SP140L: variants seen among roughly 807,000 people sequenced by gnomAD.
The protein encoded by SP140L is nuclear body protein SP140-like protein.
In SP140L, 64 loss-of-function variants were observed where a neutral mutation model predicts 84.3. The observed-to-expected ratio is 0.76, with a 90% CI of 0.62 to 0.94. SP140L has a LOEUF of 0.94. SP140L is among the 40% of genes least tolerant of loss of function. The probability of loss-of-function intolerance (pLI) is 0.00; values close to 1 mark genes in which losing one functional copy is unlikely to be tolerated. For missense variants in SP140L, 628 were observed against 692.5 expected, an observed-to-expected ratio of 0.91 and a Z score of 1.05; for synonymous variants, 242 against 236.9, an observed-to-expected ratio of 1.02 and a Z score of -0.20.
rs537834269 is a variant in SP140L, at chr2:230,403,698, A to G, written c.*802A>G. 6.6e-6 allele frequency: 1 copy of G among 152,302 alleles called. No homozygotes were observed. The highest frequency in any genetic ancestry group is 2.1e-4 in the South Asian group (1 of 4,824). The allele number at this position is 152,302 out of a possible 1,614,324, so 9.4% of individuals were successfully genotyped here. Reference sequence around the variant, plus strand: ...TCATATTTCGTGGAACTCCTGTGCAAACATATATTATTAAATTTTTTTTCC... The same window carrying G: ...TCATATTTCGTGGAACTCCTGTGCAGACATATATTATTAAATTTTTTTTCC... On this transcript the variant is annotated 3_prime_UTR_variant, in exon 19 of 19. Coordinates refer to ENST00000415673, the MANE Select transcript of SP140L (RefSeq NM_138402.6).
intron 8 of SP140L, among the ~76,000 whole-genome samples, chr2:230,384,559 G>A (rs73112323): frequency 0.015 from 2,354 of 152,242 alleles, 59 homozygotes; most frequent in African/African-American, 0.053. Flanking sequence ...GTGTCTGCCC[G>A]GCTTGTGGAT....
At chr2:230,400,084 A>G (rs2062243258) in intron 14 of SP140L, 43 bp from the exon 15 acceptor site, 2 of 1,608,042 alleles carry the variant, frequency 1.2e-6, no homozygotes, top group Admixed American at 3.3e-5. Flanking sequence ...GCCTTCCTGA[A>G]TCTTGTGATT....
At chr2:230,359,167 G>C in intron 4 of SP140L, 35 bp downstream of exon 4, 1 of 1,589,390 alleles carries the variant, frequency 6.3e-7, no homozygotes, top group Non-Finnish European at 8.6e-7. Flanking sequence ...TTGATTTCCG[G>C]GGCCAATTTT....
rs189762003 is a variant in SP140L, at chr2:230,357,938, C to T, written c.241C>T (p.Arg81Trp). Residue 81 changes from arginine (R) to tryptophan (W), a missense_variant, in exon 3 of 19, where the codon CGG (arginine) becomes TGG (tryptophan). Arg to Trp is a moderately radical substitution (Grantham distance 101). Transcript: ENST00000415673. ...TCCATTCCTTGAGGGCCTCCGCGAT[C>T]GGGAACTCATCACAAATAAAATGTT... ...TFPFLEGLRDRELITNKMFED... is the reference protein window; with the variant it reads ...TFPFLEGLRDWELITNKMFED... 2.6e-5 allele frequency: 42 copies of T among 1,613,778 alleles called. No homozygotes were observed. Among genetic ancestry groups the T allele is most frequent in the African/African-American group, 6.7e-5 (5 of 75,028 alleles).
rs569170068 is a variant in SP140L at position 230,372,115 on chromosome 2, G to A, written c.637+464G>A. 21 of 165,816 alleles carry A rather than the reference G, an allele frequency of 1.3e-4. No homozygotes were observed. In the East Asian group the frequency reaches 3.0e-3, roughly 24 times the overall value. 10.3% of individuals were successfully genotyped at this position (165,816 alleles called of 1,614,324 possible). On this transcript the variant is annotated intron_variant, in intron 7 of 18. Transcript: ENST00000415673. ...TTCCAGCCCCCAGAAAGGAATGAAGGCCTACACCTTGACTTTAGGCAGTAA... is the reference window on the plus strand; with the variant it reads ...TTCCAGCCCCCAGAAAGGAATGAAGACCTACACCTTGACTTTAGGCAGTAA...
chr2:230,391,187 G>A (rs1300425684), intron 11 of SP140L, among the ~76,000 whole-genome samples: 1 of 152,188 alleles, frequency 6.6e-6, no homozygotes, highest in Non-Finnish European at 1.5e-5. Context: ...GAACATTTAT[G>A]TAACAAATTT....
chr2:230,391,493 A>G (rs1206596355), intron 11 of SP140L, among the ~76,000 whole-genome samples: 1 of 152,208 alleles, frequency 6.6e-6, no homozygotes. Flanking sequence ...TCTTTTATAT[A>G]TAACTTAATT....
rs931221025 is a variant in SP140L, at chr2:230,400,704, C to G, written c.1314-251C>G. On this transcript the variant is annotated intron_variant, in intron 15 of 18. Transcript: ENST00000415673. Reference sequence around the variant, plus strand: ...CTCCTTGTGCTCCCAGCAGCTCAGACAGGGAAAGGATAGTCCCCACTCACG... The same window carrying G: ...CTCCTTGTGCTCCCAGCAGCTCAGAGAGGGAAAGGATAGTCCCCACTCACG... The G allele has an allele frequency of 9.9e-6, 8 of 809,616 alleles. No individual in the cohort carries two copies. The Admixed American group carries it at 2.3e-4, about 23-fold the overall frequency. The allele number at this position is 809,616 out of a possible 1,614,324, so 50.2% of individuals were successfully genotyped here. A position where few individuals can be genotyped will look rare whatever the true frequency, so the allele number is the denominator to read the frequency against.
chr2:230,403,127 G>A lies in SP140L; in HGVS notation c.*231G>A, dbSNP rs148051679. The A allele has an allele frequency of 3.2e-5, 15 of 475,160 alleles. No individual in the cohort carries two copies. The South Asian group carries it at 3.8e-4, about 12-fold the overall frequency. The allele number at this position is 475,160 out of a possible 1,614,324, so 29.4% of individuals were successfully genotyped here. On this transcript the variant is annotated 3_prime_UTR_variant, in exon 19 of 19. Coordinates refer to ENST00000415673, the MANE Select transcript of SP140L (RefSeq NM_138402.6). ...GATCACAGGGAAGGAGATTGGAGGT[G>A]ATACCAGCACAGACAGACTCTCACC...
intron 10 of SP140L, 127 bp downstream of exon 10, chr2:230,388,760 C>T: frequency 2.6e-6 from 2 of 780,622 alleles, no homozygotes; most frequent in Non-Finnish European, 3.7e-6. Flanking sequence ...TATTGAAAAA[C>T]ATATCTTATT....
Position 230,328,760 on chromosome 2 carries a change from G to A in SP140L, c.36G>A (p.Gly12=). 1 of 1,612,146 alleles carries A rather than the reference G, an allele frequency of 6.2e-7. No homozygotes were observed. Among genetic ancestry groups the A allele is most frequent in the Non-Finnish European group, 8.5e-7 (1 of 1,178,966 alleles). ...TCCTGCCAAATTGTCTTTTTAGGGG[G>A]CTGAACGGAGGTGTTTCACAAGTAG... The part of the protein sequence containing the change: ...AGGGSDLSTR[G]LNGGVSQVAN... Residue 12 remains glycine (G), a synonymous_variant, in exon 2 of 19, where the codon GGG becomes GGA. Transcript: ENST00000415673.
chr2:230,370,792 T>G (rs2149764350), intron 5 of SP140L, 116 bp from the exon 6 acceptor site: 1 of 873,002 alleles, frequency 1.1e-6, no homozygotes, highest in East Asian at 2.7e-5. Flanking sequence ...GCAACCAGGG[T>G]GCAGAAAAGA....
chr2:230,381,218 A>G (rs2061395071), intron 7 of SP140L, among the ~76,000 whole-genome samples: 1 of 152,164 alleles, frequency 6.6e-6, no homozygotes. Flanking sequence ...AACGTAAGCA[A>G]CTCACCTCTG....
chr2:230,365,169 A>G lies in SP140L; in HGVS notation c.523+3472A>G, dbSNP rs1021399752. ...GGTATCAGGGTAATGTTGGCTTCATAGACTAAGCCTACAAATAGACCCCTT... is the reference window on the plus strand; with the variant it reads ...GGTATCAGGGTAATGTTGGCTTCATGGACTAAGCCTACAAATAGACCCCTT... On this transcript the variant is annotated intron_variant, in intron 5 of 18. Transcript: ENST00000415673. Among the ~76,000 whole-genome samples the G allele has an allele frequency of 4.3e-4, 66 of 152,218 alleles. 1 individual carries two copies. Among genetic ancestry groups the G allele is most frequent in the African/African-American group, 1.4e-3 (57 of 41,556 alleles).
At chr2:230,337,064 G>A (rs987255146) in intron 2 of SP140L, among the ~76,000 whole-genome samples, 17 of 152,124 alleles carry the variant, frequency 1.1e-4, no homozygotes, top group Non-Finnish European at 1.5e-4. Flanking sequence ...TTGAGGAATC[G>A]CCACACTGAC....
chr2:230,362,677 G>A (rs757965368), intron 5 of SP140L, among the ~76,000 whole-genome samples: 1 of 152,134 alleles, frequency 6.6e-6, no homozygotes, highest in Non-Finnish European at 1.5e-5. Flanking sequence ...ATGGAGATTT[G>A]TATTCCTTAT....
chr2:230,398,909 A>G (rs2062181968), intron 14 of SP140L, among the ~76,000 whole-genome samples: 1 of 152,200 alleles, frequency 6.6e-6, no homozygotes, highest in African/African-American at 2.4e-5. Flanking sequence ...AAATGAAATC[A>G]GCTATTCAAA....
rs573159594 is a variant in SP140L, at chr2:230,359,245, A to T, written c.439+113A>T. On this transcript the variant is annotated intron_variant, in intron 4 of 18. Coordinates refer to ENST00000415673, the MANE Select transcript of SP140L (RefSeq NM_138402.6). ...TTGTGTTGGGCAGTGGGCATAGAGT[A>T]GTTAACAAAATAGACGTGTCATGAG... The T allele has an allele frequency of 2.0e-4, 187 of 923,084 alleles. 1 individual carries two copies. In the South Asian group the frequency reaches 2.9e-3, roughly 14 times the overall value. The allele number at this position is 923,084 out of a possible 1,614,324, so 57.2% of individuals were successfully genotyped here.
chr2:230,330,332 C>T (rs13397522), intron 2 of SP140L, among the ~76,000 whole-genome samples: 2,595 of 152,276 alleles, frequency 0.017, 74 homozygotes, highest in African/African-American at 0.058. Flanking sequence ...GGGTGTGTTT[C>T]TGTGTTCTCT....
Sources: gnomAD v4.1 joint callset for allele counts (sites outside exome capture counted in the v4.1 genomes callset) on GRCh38, gnomAD v4.1.1 for gene constraint, MANE v1.5 for transcripts, NCBI Gene and HGNC (gene_info 2026-07-23, HGNC 2026-07-21) for gene names.